Variants in C10orf143 observed in about 807,000 individuals in gnomAD.
C10orf143 encodes chromosome 10 open reading frame 143.
intron 3 of C10orf143, among the ~76,000 whole-genome samples, chr10:130,049,592 C>G (rs911560668): frequency 1.3e-5 from 2 of 152,158 alleles, no homozygotes; most frequent in Non-Finnish European, 2.9e-5. Context: ...CCACTCAGAC[C>G]GGTGGGTGCT....
intron 1 of C10orf143, among the ~76,000 whole-genome samples, chr10:130,093,094 C>A (rs1429751576): frequency 6.6e-6 from 1 of 152,190 alleles, no homozygotes; most frequent in Non-Finnish European, 1.5e-5. Flanking sequence ...GAACTCTCTA[C>A]CCCAAATCAG....
chr10:130,068,618 A>AAAAG (rs1400976313), intron 3 of C10orf143: 1 of 151,100 alleles, frequency 6.6e-6, no homozygotes, highest in Non-Finnish European at 1.5e-5. Context: ...TCTCAAAAAA[A>AAAAG]AAAAAAAAAA....
chr10:130,106,072 G>T (rs747714824), intron 1 of C10orf143: 1 of 590,350 alleles, frequency 1.7e-6, no homozygotes. Context: ...CTACCCCTCA[G>T]CGGTACTTGG....
At chr10:130,098,265 G>A (rs1401461070) in intron 1 of C10orf143, among the ~76,000 whole-genome samples, 1 of 152,194 alleles carries the variant, frequency 6.6e-6, no homozygotes. Context: ...GGAGGTTGCA[G>A]TGAGCTGAGA....
At chr10:130,100,797 AAAAG>A (rs1275862958) in intron 1 of C10orf143, among the ~76,000 whole-genome samples, 1 of 152,222 alleles carries the variant, frequency 6.6e-6, no homozygotes, top group Non-Finnish European at 1.5e-5. Flanking sequence ...TCAAACACAG[AAAAG>A]AGATTTTTAA....
chr10:130,101,874 A>AAAAAAAAAAAAAAAAAC (rs1861561538), intron 1 of C10orf143, among the ~76,000 whole-genome samples: 1 of 141,284 alleles, frequency 7.1e-6, no homozygotes, highest in Non-Finnish European at 1.5e-5. Flanking sequence ...CCAAAAAAAA[A>AAAAAAAAAAAAAAAAAC]AAAAAAAAAA....
rs570349174 is a variant in C10orf143, at chr10:130,073,012, G to A, written c.297+6554C>T. Among the ~76,000 whole-genome samples, 249 of 152,270 alleles carry A rather than the reference G, an allele frequency of 1.6e-3. 1 individual carries two copies. The highest frequency in any genetic ancestry group is 2.6e-3 in the Non-Finnish European group (178 of 68,016). Reference sequence around the variant, plus strand: ...AAGTGCAATAAAATGAGTTGTGCCCGTACTTTATATCCACCTTCAGGTTCT... The same window carrying A: ...AAGTGCAATAAAATGAGTTGTGCCCATACTTTATATCCACCTTCAGGTTCT... On this transcript the variant is annotated intron_variant, in intron 3 of 3. Transcript: ENST00000637128.
intron 3 of C10orf143, among the ~76,000 whole-genome samples, chr10:130,046,359 C>T (rs914966988): frequency 2.0e-5 from 3 of 152,022 alleles, no homozygotes; most frequent in Non-Finnish European, 4.4e-5. Context: ...CAGCGCCTCC[C>T]CCGGGACCTG....
chr10:130,046,759 G>A (rs1227318649), intron 3 of C10orf143, among the ~76,000 whole-genome samples: 4 of 152,172 alleles, frequency 2.6e-5, no homozygotes, highest in Non-Finnish European at 5.9e-5. Flanking sequence ...GCTCGCCCAC[G>A]CCGCCCGCTC....
At chr10:130,087,104 A>T (rs1484626015) in intron 1 of C10orf143, among the ~76,000 whole-genome samples, 1 of 152,164 alleles carries the variant, frequency 6.6e-6, no homozygotes, top group Admixed American at 6.5e-5. Context: ...ACAGTGAATT[A>T]ATTTATTCAT....
chr10:130,106,073 C>T (rs771795742), intron 1 of C10orf143: 3 of 590,372 alleles, frequency 5.1e-6, no homozygotes, highest in Non-Finnish European at 6.5e-6. Flanking sequence ...TACCCCTCAG[C>T]GGTACTTGGG....
chr10:130,076,902 C>T (rs1299085684), intron 3 of C10orf143, among the ~76,000 whole-genome samples: 1 of 152,084 alleles, frequency 6.6e-6, no homozygotes, highest in African/African-American at 2.4e-5. Flanking sequence ...AGACTTGCAG[C>T]CCCAGACAGC....
rs989501280 is a variant in C10orf143 at position 130,081,546 on chromosome 10, C to A, written c.70-1645G>T. On this transcript the variant is annotated intron_variant, in intron 1 of 3. Coordinates refer to ENST00000637128, the MANE Select transcript of C10orf143 (RefSeq NM_001355042.2). Reference sequence around the variant, plus strand: ...ACATTCCTCTCAAGAACTCACAGCACAGTTACAACTGATGGCATTAAAGGA... The same window carrying A: ...ACATTCCTCTCAAGAACTCACAGCAAAGTTACAACTGATGGCATTAAAGGA... Among the ~76,000 whole-genome samples the A allele has an allele frequency of 3.3e-5, 5 of 152,052 alleles. No homozygotes were observed. The South Asian group carries it at 1.0e-3, about 32-fold the overall frequency.
At position 130,065,023 on chromosome 10, in the gene C10orf143, C is replaced by T. The variant is rs1042937316; in HGVS notation, c.298-640G>A. The T allele has an allele frequency of 1.3e-5, 2 of 152,324 alleles. No individual in the cohort carries two copies. The highest frequency in any genetic ancestry group is 4.8e-5 in the African/African-American group (2 of 41,466). 9.4% of individuals were successfully genotyped at this position (152,324 alleles called of 1,614,324 possible). A position where few individuals can be genotyped will look rare whatever the true frequency, so the allele number is the denominator to read the frequency against. On this transcript the variant is annotated intron_variant, in intron 3 of 3. Coordinates refer to ENST00000637128, the MANE Select transcript of C10orf143 (RefSeq NM_001355042.2). The surrounding 1 kb of genome is among the most constrained non-coding windows in gnomAD (Gnocchi z 4.2). ...GCAGCGTGGCACTCTGGCCCACAGG[C>T]AGAGACAGGCACAGCCTCCCTGTCC...
intron 3 of C10orf143, among the ~76,000 whole-genome samples, chr10:130,043,290 G>A (rs1326038730): frequency 6.6e-6 from 1 of 152,104 alleles, no homozygotes; most frequent in Non-Finnish European, 1.5e-5. Flanking sequence ...TGGTATTCCT[G>A]GAAAATTGAA....
At position 130,110,740 on chromosome 10, in the gene C10orf143, C is replaced by T; in HGVS notation, c.33G>A (p.Gln11=). ...GAACCTGCAGATCCTCCGCCCTCCG[C>T]TGTCGCCAGCGGCCGAGCGCTAAGC... MDSLALGRWR[Q]RRAEDLQVPG... The change falls in exon 1 of 4, where the codon CAG becomes CAA. Residue 11 remains glutamine, a synonymous_variant. Transcript: ENST00000637128. 2.5e-6 allele frequency: 1 copy of T among 399,016 alleles called. No individual in the cohort carries two copies. Among genetic ancestry groups the T allele is most frequent in the Non-Finnish European group, 4.4e-6 (1 of 226,150 alleles). The allele number at this position is 399,016 out of a possible 1,614,324, so 24.7% of individuals were successfully genotyped here. A position where few individuals can be genotyped will look rare whatever the true frequency, so the allele number is the denominator to read the frequency against.
chr10:130,082,897 A>C (rs1017151315), intron 1 of C10orf143, among the ~76,000 whole-genome samples: 1 of 150,450 alleles, frequency 6.6e-6, no homozygotes, highest in African/African-American at 2.4e-5. Flanking sequence ...TTCAAAATAC[A>C]GAGGCAATAA....
chr10:130,064,996 T>TAGC (rs1281399360), intron 3 of C10orf143: 2 of 152,332 alleles, frequency 1.3e-5, no homozygotes, highest in Non-Finnish European at 2.9e-5. Context: ...TCCTGGCACA[T>TAGC]AGCAGCGTGG....
chr10:130,091,373 C>G (rs757664867), intron 1 of C10orf143, among the ~76,000 whole-genome samples: 1 of 152,162 alleles, frequency 6.6e-6, no homozygotes, highest in Admixed American at 6.5e-5. Flanking sequence ...GCATCAACAT[C>G]AACAAAAAGG....
Sources: gnomAD v4.1 joint callset for allele counts (sites outside exome capture counted in the v4.1 genomes callset) on GRCh38, gnomAD v4.1.1 for gene constraint, Gnocchi (gnomAD v3.1) non-coding constraint, MANE v1.5 for transcripts, NCBI Gene and HGNC (gene_info 2026-07-23, HGNC 2026-07-21) for gene names.